Variants in RANGAP1 observed in about 807,000 individuals in gnomAD.
RANGAP1 encodes ran GTPase-activating protein 1.
A neutral mutation model predicts 63.5 loss-of-function variants in RANGAP1; 38 were observed. That is an observed-to-expected ratio of 0.60 (90% CI 0.46 to 0.78). The LOEUF (loss-of-function observed/expected upper bound fraction) is 0.78. RANGAP1 is among the 30% of genes least tolerant of loss of function. The pLI is 0.00. For missense variants in RANGAP1, 630 were observed against 740.3 expected, an observed-to-expected ratio of 0.85 and a Z score of 1.73; for synonymous variants, 329 against 310.5, an observed-to-expected ratio of 1.06 and a Z score of -0.63.
intron 1 of RANGAP1, chr22:41,281,978 G>A (rs967930253): frequency 6.6e-6 from 1 of 152,170 alleles, no homozygotes; most frequent in African/African-American, 2.4e-5. Flanking sequence ...AATACAATTA[G>A]CAGGGTATGG....
At chr22:41,295,116 A>C in the RANGAP1 span, among the ~76,000 whole-genome samples, 1 of 146,254 alleles carries the variant, frequency 6.8e-6, no homozygotes, top group African/African-American at 2.6e-5. Flanking sequence ...CCCGTCCGGG[A>C]GGTGAGGGGC....
chr22:41,293,889 C>T, the RANGAP1 span, among the ~76,000 whole-genome samples: 1 of 151,966 alleles, frequency 6.6e-6, no homozygotes, highest in African/African-American at 2.4e-5. Context: ...TCTCAAACTC[C>T]TGGGATCAAG....
chr22:41,269,739 C>CA (rs35959490), intron 3 of RANGAP1, among the ~76,000 whole-genome samples: 18,355 of 92,812 alleles, frequency 0.2, 1,530 homozygotes, highest in Middle Eastern at 0.3. Context: ...AAGACTCTCT[C>CA]AAAAAAAAAA....
chr22:41,289,871 G>A (rs1451469552), upstream of RANGAP1, among the ~76,000 whole-genome samples: 1 of 152,168 alleles, frequency 6.6e-6, no homozygotes, highest in Non-Finnish European at 1.5e-5. Context: ...GGCTGAGCAT[G>A]GTGGCTCACA....
chr22:41,263,886 C>T (rs2034311691), intron 5 of RANGAP1, among the ~76,000 whole-genome samples: 1 of 152,262 alleles, frequency 6.6e-6, no homozygotes, highest in Non-Finnish European at 1.5e-5. Context: ...CTATGTGATC[C>T]ACTCCACCCC....
rs570153142 is a variant in RANGAP1, at chr22:41,245,314, T to C, written c.*1289A>G. Among the ~76,000 whole-genome samples, 2 of 152,270 alleles carry C rather than the reference T, an allele frequency of 1.3e-5. No individual in the cohort carries two copies. Among genetic ancestry groups the C allele is most frequent in the South Asian group, 4.1e-4 (2 of 4,826 alleles). ...AGGTTGGCTGGGCTGTCCTCACATA[T>C]GTGGCAGTGGAGCAAAGGATCCCAA... On this transcript the variant is annotated 3_prime_UTR_variant, in exon 16 of 16. Coordinates refer to ENST00000356244, the MANE Select transcript of RANGAP1 (RefSeq NM_002883.4).
At chr22:41,266,201 C>CAA in intron 4 of RANGAP1, among the ~76,000 whole-genome samples, 1 of 117,892 alleles carries the variant, frequency 8.5e-6, no homozygotes, top group African/African-American at 3.3e-5. Context: ...GACTCCGCCT[C>CAA]AAAAAAAAAA....
chr22:41,276,626 C>T (rs541947688), intron 2 of RANGAP1, among the ~76,000 whole-genome samples: 259 of 151,192 alleles, frequency 1.7e-3, no homozygotes, highest in African/African-American at 6.1e-3. Flanking sequence ...GCAACAAGAG[C>T]GAAACTCCGT....
chr22:41,260,069 A>T (rs1037512055), intron 6 of RANGAP1, among the ~76,000 whole-genome samples: 23 of 151,680 alleles, frequency 1.5e-4, no homozygotes, highest in Admixed American at 1.4e-3. Flanking sequence ...GTGGGTAGTC[A>T]CAGGCCTTTC....
At chr22:41,270,346 T>C (rs2034730424) in intron 3 of RANGAP1, among the ~76,000 whole-genome samples, 1 of 152,140 alleles carries the variant, frequency 6.6e-6, no homozygotes, top group Non-Finnish European at 1.5e-5. Context: ...GGTTTCACCA[T>C]GTTGGCCAGG....
intron 4 of RANGAP1, among the ~76,000 whole-genome samples, chr22:41,266,083 T>C (rs1439085118): frequency 6.6e-6 from 1 of 151,912 alleles, no homozygotes; most frequent in Non-Finnish European, 1.5e-5. Flanking sequence ...GCGCCTGTAG[T>C]CCCAGCTACT....
At chr22:41,281,346 C>T (rs976035949) in intron 1 of RANGAP1, 392 of 909,274 alleles carry the variant, frequency 4.3e-4, no homozygotes, top group Non-Finnish European at 4.9e-4. Flanking sequence ...GCTAAACTGC[C>T]GCAGCTGGAC....
At chr22:41,279,442 C>T (rs932789613) in intron 2 of RANGAP1, among the ~76,000 whole-genome samples, 12 of 151,956 alleles carry the variant, frequency 7.9e-5, no homozygotes, top group African/African-American at 2.9e-4. Context: ...TGCACTCCAG[C>T]CTGGGTGACA....
intron 3 of RANGAP1, among the ~76,000 whole-genome samples, chr22:41,273,799 G>A (rs551958011): frequency 2.2e-5 from 2 of 89,710 alleles, no homozygotes; most frequent in Admixed American, 9.9e-5. Flanking sequence ...AAAAAGGCCG[G>A]GAGCAGTGGC....
At chr22:41,256,318 A>AG (rs764864753) in intron 8 of RANGAP1, 28 bp from the exon 9 acceptor site, 1 of 1,607,406 alleles carries the variant, frequency 6.2e-7, no homozygotes, top group South Asian at 1.1e-5. Context: ...GGTTGGAGGC[A>AG]GGCAGAAACC....
chr22:41,285,480 C>G (rs1158611660), intron 1 of RANGAP1: 1 of 983,954 alleles, frequency 1.0e-6, no homozygotes, highest in Admixed American at 6.1e-5. Flanking sequence ...CCCCGCTCCG[C>G]AGCAACGTCA....
intron 2 of RANGAP1, among the ~76,000 whole-genome samples, chr22:41,278,038 G>GTTTT (rs376152766): frequency 2.3e-5 from 3 of 132,176 alleles, no homozygotes; most frequent in Admixed American, 7.9e-5. Flanking sequence ...CCAAACTTGA[G>GTTTT]TTTTTTTTTT....
chr22:41,281,237 GA>G (rs139534), intron 1 of RANGAP1, 155 bp from the exon 2 acceptor site: 401,588 of 968,204 alleles, frequency 0.41, 86,540 homozygotes, highest in Middle Eastern at 0.46. Context: ...AACAGCATCA[GA>G]GAAGGAACAG....
upstream of RANGAP1, among the ~76,000 whole-genome samples, chr22:41,291,105 A>G (rs1315383303): frequency 6.6e-6 from 1 of 152,238 alleles, no homozygotes; most frequent in Non-Finnish European, 1.5e-5. Context: ...AATAACCATC[A>G]TTACAATAAT....
Sources: gnomAD v4.1 joint callset for allele counts (sites outside exome capture counted in the v4.1 genomes callset) on GRCh38, gnomAD v4.1.1 for gene constraint, MANE v1.5 for transcripts, NCBI Gene and HGNC (gene_info 2026-07-23, HGNC 2026-07-21) for gene names.